The following BCAR3 variants were observed in gnomAD, a reference collection of about 807,000 sequenced individuals.
The protein encoded by BCAR3 is breast cancer anti-estrogen resistance protein 3.
A neutral mutation model predicts 80.1 loss-of-function variants in BCAR3; 37 were observed. That is an observed-to-expected ratio of 0.46 (90% confidence interval 0.36 to 0.61). The LOEUF (loss-of-function observed/expected upper bound fraction) is 0.61, where lower values mean the gene tolerates loss of function less well. Among genes scored for constraint, BCAR3 ranks in the 20% least tolerant of loss-of-function variants. The pLI is 0.00. For synonymous variants in BCAR3, 389 were observed against 418.9 expected (o/e 0.93, Z 0.87); for missense variants, 978 against 1,068.2 (o/e 0.92, Z 1.18).
chr1:93,614,047 G>A, intron 3 of BCAR3: 1 of 1,458,084 alleles, frequency 6.9e-7, no homozygotes, highest in Non-Finnish European at 9.0e-7. Flanking sequence ...CCAGAAGTCA[G>A]GGAAGTCGGC....
chr1:93,758,334 C>T (rs1457963578), intron 2 of BCAR3, among the ~76,000 whole-genome samples: 2 of 152,148 alleles, frequency 1.3e-5, no homozygotes, highest in African/African-American at 2.4e-5. Flanking sequence ...AGAAGAGTTT[C>T]CAGGGAGCCC....
chr1:93,784,626 T>G (rs896598787), intron 2 of BCAR3, among the ~76,000 whole-genome samples: 7 of 152,188 alleles, frequency 4.6e-5, no homozygotes, highest in Non-Finnish European at 8.8e-5. Flanking sequence ...CTAGTGGGCT[T>G]GATGAAGACT....
chr1:93,772,499 A>T (rs1310046204), intron 2 of BCAR3, among the ~76,000 whole-genome samples: 1 of 152,228 alleles, frequency 6.6e-6, no homozygotes, highest in Non-Finnish European at 1.5e-5. Context: ...CTATCTCTGC[A>T]ACTAACTGTT....
At chr1:93,570,609 G>T (rs1291472923) in intron 9 of BCAR3, among the ~76,000 whole-genome samples, 3 of 152,302 alleles carry the variant, frequency 2.0e-5, no homozygotes, top group East Asian at 3.9e-4. Flanking sequence ...GGAGTTCTAT[G>T]GCAGATGGAC....
chr1:93,574,058 G>T (rs1673341754), intron 8 of BCAR3, among the ~76,000 whole-genome samples: 1 of 152,154 alleles, frequency 6.6e-6, no homozygotes, highest in Non-Finnish European at 1.5e-5. Context: ...TCTTTATTCA[G>T]TGTTTTCTCT....
At chr1:93,732,446 C>T (rs371260195) in intron 2 of BCAR3, among the ~76,000 whole-genome samples, 5 of 152,146 alleles carry the variant, frequency 3.3e-5, no homozygotes, top group African/African-American at 1.2e-4. Context: ...AAAACCCTGT[C>T]TCTACAAAAA....
intron 2 of BCAR3, among the ~76,000 whole-genome samples, chr1:93,804,773 G>A (rs1464763046): frequency 1.3e-5 from 2 of 152,218 alleles, no homozygotes; most frequent in African/African-American, 4.8e-5. Context: ...AGGAACCACT[G>A]TGTAACAATT....
At chr1:93,726,529 G>A (rs1183522769) in intron 2 of BCAR3, among the ~76,000 whole-genome samples, 1 of 152,172 alleles carries the variant, frequency 6.6e-6, no homozygotes, top group Admixed American at 6.5e-5. Context: ...GTGATAGGGA[G>A]TTTTCCTGTC....
intron 2 of BCAR3, among the ~76,000 whole-genome samples, chr1:93,713,986 T>G (rs1386315649): frequency 6.6e-6 from 1 of 152,088 alleles, no homozygotes; most frequent in Non-Finnish European, 1.5e-5. Context: ...TTTTATAGAT[T>G]CAACTGTTTT....
At chr1:93,679,137 A>G (rs760356400) in intron 1 of BCAR3, among the ~76,000 whole-genome samples, 10 of 152,238 alleles carry the variant, frequency 6.6e-5, no homozygotes, top group Non-Finnish European at 1.0e-4. Context: ...TTCTCATTTT[A>G]AAAAATGACT....
At chr1:93,739,906 C>T (rs909539694) in intron 2 of BCAR3, among the ~76,000 whole-genome samples, 1 of 151,950 alleles carries the variant, frequency 6.6e-6, no homozygotes, top group Non-Finnish European at 1.5e-5. Context: ...CATCATGGCC[C>T]ATGCCTGTAA....
chr1:93,805,310 G>T (rs552109754), intron 2 of BCAR3, among the ~76,000 whole-genome samples: 2 of 152,336 alleles, frequency 1.3e-5, no homozygotes, highest in Admixed American at 6.5e-5. Context: ...AAGGGATCAA[G>T]ATTCTCTCCA....
Position 93,656,740 on chromosome 1 carries a change from A to C in BCAR3, c.318-14397T>G, listed in dbSNP as rs191871523. ...TGCTGCAGCCTCCTGAATAGCTAGG[A>C]CTACAGGCATGTACCACCACACCCA... On this transcript the variant is annotated intron_variant, in intron 2 of 11. Transcript: ENST00000260502. Among the ~76,000 whole-genome samples, 19 of 152,092 alleles carry C rather than the reference A, an allele frequency of 1.2e-4. No individual in the cohort carries two copies. In the East Asian group the frequency reaches 3.7e-3, roughly 29 times the overall value.
chr1:93,807,969 C>T (rs1349889154), intron 2 of BCAR3, among the ~76,000 whole-genome samples: 2 of 148,610 alleles, frequency 1.3e-5, no homozygotes, highest in Non-Finnish European at 3.0e-5. Context: ...TTCAGGGAGG[C>T]AGAGGTTGCA....
chr1:93,714,085 C>A (rs1411738753), intron 2 of BCAR3, among the ~76,000 whole-genome samples: 3 of 152,212 alleles, frequency 2.0e-5, no homozygotes, highest in East Asian at 3.9e-4. Context: ...TGGGTTCATG[C>A]CATTCTCCTG....
At chr1:93,767,003 T>A (rs1652175798) in intron 2 of BCAR3, among the ~76,000 whole-genome samples, 1 of 151,994 alleles carries the variant, frequency 6.6e-6, no homozygotes, top group African/African-American at 2.4e-5. Flanking sequence ...GGTAATTCAA[T>A]CCTAGGCAGC....
At chr1:93,616,918 T>C (rs1675146084) in intron 3 of BCAR3, among the ~76,000 whole-genome samples, 1 of 152,188 alleles carries the variant, frequency 6.6e-6, no homozygotes, top group South Asian at 2.1e-4. Context: ...AGGGAAACAC[T>C]TGTGATTAAA....
intron 3 of BCAR3, among the ~76,000 whole-genome samples, chr1:93,614,696 C>T (rs1675053072): frequency 6.6e-6 from 1 of 152,194 alleles, no homozygotes; most frequent in Admixed American, 6.5e-5. Context: ...ACCCTGAGCG[C>T]CCTATGCCCT....
chr1:93,759,725 T>C (rs893114572), intron 2 of BCAR3, among the ~76,000 whole-genome samples: 5 of 151,980 alleles, frequency 3.3e-5, no homozygotes, highest in Non-Finnish European at 5.9e-5. Flanking sequence ...ATAATACACA[T>C]AAGAAAGAGA....
Sources: allele counts gnomAD v4.1 joint callset (sites outside exome capture counted in the v4.1 genomes callset), GRCh38; gene constraint gnomAD v4.1.1; transcripts MANE v1.5; gene names NCBI Gene and HGNC (gene_info 2026-07-23, HGNC 2026-07-21).